The following EPG5 variants were observed in gnomAD, a reference collection of about 807,000 sequenced individuals.
The protein encoded by EPG5 is ectopic P granules protein 5 homolog.
In EPG5, 159 loss-of-function variants were observed where a neutral mutation model predicts 302.7. That is an observed-to-expected ratio of 0.53 (90% CI 0.46 to 0.60). EPG5 has a LOEUF of 0.60. EPG5 is among the 20% of genes least tolerant of loss of function. The pLI is 0.00. For synonymous variants in EPG5, 1,158 were observed against 1,136.8 expected (o/e 1.02, Z -0.37); for missense variants, 2,896 against 3,092.4 (o/e 0.94, Z 1.51).
chr18:45,928,947 C>T lies in EPG5; in HGVS notation c.2475G>A (p.Gly825=). 1.2e-6 allele frequency: 2 copies of T among 1,613,756 alleles called. No individual in the cohort carries two copies. The highest frequency in any genetic ancestry group is 1.7e-5 in the Admixed American group (1 of 60,006). ...TFSKVGRELL[G]TITAVHPEII... is the part of the protein sequence containing the mutation. Reference sequence around the variant, plus strand: ...TCTCAGGGTGAACAGCTGTGATAGTCCCTAAAAGCTCTCGACCAACCTTTG... The same window carrying T: ...TCTCAGGGTGAACAGCTGTGATAGTTCCTAAAAGCTCTCGACCAACCTTTG... The change falls in exon 13 of 44, where the codon GGG becomes GGA. Residue 825 remains glycine, a synonymous_variant. Transcript: ENST00000282041.
Position 45,966,988 on chromosome 18 carries a change from G to C in EPG5, c.63+189C>G, listed in dbSNP as rs116758961. Among the ~76,000 whole-genome samples the C allele has an allele frequency of 7.4e-3, 1,134 of 152,248 alleles. 12 individuals are homozygous for C. The highest frequency in any genetic ancestry group is 0.025 in the African/African-American group (1,046 of 41,544). On this transcript the variant is annotated intron_variant, in intron 1 of 43. Coordinates refer to ENST00000282041, the MANE Select transcript of EPG5 (RefSeq NM_020964.3). ...ATGGGGTCCTGACAGAGTGTGGCAG[G>C]GGGATATGGAGAAGGAATGGAGGAG... is the stretch of plus-strand genomic sequence containing the variant.
chr18:45,814,651 G>A, the EPG5 span, among the ~76,000 whole-genome samples: 1 of 152,198 alleles, frequency 6.6e-6, no homozygotes, highest in Non-Finnish European at 1.5e-5. Context: ...AAGTGTTAGA[G>A]GTTGAAGGGT....
At chr18:45,892,938 T>C (rs1346106379) in intron 27 of EPG5, among the ~76,000 whole-genome samples, 1 of 152,228 alleles carries the variant, frequency 6.6e-6, no homozygotes, top group Non-Finnish European at 1.5e-5. Flanking sequence ...TAATCTAGAA[T>C]GTTAAGATCA....
chr18:45,868,587 T>C (rs1378546992), intron 36 of EPG5, among the ~76,000 whole-genome samples: 2 of 151,276 alleles, frequency 1.3e-5, no homozygotes, highest in African/African-American at 4.8e-5. Flanking sequence ...CAGGCTGGTC[T>C]TGAACCCCCA....
At chr18:45,952,081 A>G (rs1011796153) in intron 3 of EPG5, among the ~76,000 whole-genome samples, 3 of 152,236 alleles carry the variant, frequency 2.0e-5, no homozygotes, top group Non-Finnish European at 4.4e-5. Flanking sequence ...TTACTTTTAT[A>G]ATCAAAAACT....
At position 45,904,000 on chromosome 18, in the gene EPG5, G is replaced by T. The variant is rs898425710; in HGVS notation, c.4447C>A (p.Gln1483Lys). ...AGCAAAGGATCAGTGAAGTCCAGCT[G>T]CACGGACAAACTGCAGGGTGTGGAA... ...SHSTPCSLSVQLDFTDPLLAK... is the reference protein window; with the variant it reads ...SHSTPCSLSVKLDFTDPLLAK... Residue 1483 changes from glutamine to lysine, a missense_variant, in exon 25 of 44, where the codon CAG becomes AAG. This residue lies in a region of EPG5 where 790 missense variants were observed against 798.0 expected (regional missense o/e 0.99). Transcript: ENST00000282041. 1 of 1,612,130 alleles carries T rather than the reference G, an allele frequency of 6.2e-7. No homozygotes were observed. Among genetic ancestry groups the T allele is most frequent in the Non-Finnish European group, 8.5e-7 (1 of 1,179,706 alleles).
chr18:45,876,490 C>T (rs2145366327), intron 34 of EPG5, 148 bp from the exon 35 acceptor site: 2 of 593,390 alleles, frequency 3.4e-6, no homozygotes, highest in East Asian at 5.6e-5. Context: ...CTGTAAATAA[C>T]TGCAGGCGAA....
At chr18:45,842,519 TA>T in the EPG5 span, 5 of 280,042 alleles carry the variant, frequency 1.8e-5, no homozygotes, top group South Asian at 3.1e-4. Context: ...CTTTCTTACC[TA>T]GAACACCTGC....
chr18:45,878,475 G>T, intron 33 of EPG5, 27 bp from the exon 34 acceptor site: 2 of 1,473,774 alleles, frequency 1.4e-6, no homozygotes, highest in Non-Finnish European at 1.9e-6. Context: ...ACAAAACAAA[G>T]GTCATCATTT....
At chr18:45,818,858 C>T in the EPG5 span, among the ~76,000 whole-genome samples, 12 of 151,088 alleles carry the variant, frequency 7.9e-5, no homozygotes, top group South Asian at 6.3e-4. Flanking sequence ...CTCTGCCTCC[C>T]GAATAATTTG....
At chr18:45,831,527 G>A in the EPG5 span, among the ~76,000 whole-genome samples, 9 of 152,140 alleles carry the variant, frequency 5.9e-5, no homozygotes, top group Non-Finnish European at 1.0e-4. Context: ...TCAACCTAAC[G>A]AGGAGGCTAT....
Position 45,852,400 on chromosome 18 carries a change from C to T in EPG5, c.*67G>A. On this transcript the variant is annotated 3_prime_UTR_variant, in exon 44 of 44. Coordinates refer to ENST00000282041, the MANE Select transcript of EPG5 (RefSeq NM_020964.3). ...TCTACAGTGCAATTGAGCAAAGTTACTTGTGCAACAGCAAAGTTAAATGTA... is the reference window on the plus strand; with the variant it reads ...TCTACAGTGCAATTGAGCAAAGTTATTTGTGCAACAGCAAAGTTAAATGTA... The T allele has an allele frequency of 6.7e-7, 1 of 1,483,004 alleles. No homozygotes were observed. The highest frequency in any genetic ancestry group is 9.2e-7 in the Non-Finnish European group (1 of 1,089,830). 91.9% of individuals were successfully genotyped at this position (1,483,004 alleles called of 1,614,324 possible).
chr18:45,928,841 C>A (rs2050334347), intron 13 of EPG5, 28 bp downstream of exon 13: 1 of 1,590,966 alleles, frequency 6.3e-7, no homozygotes, highest in Non-Finnish European at 8.5e-7. Flanking sequence ...TTTGAAAAAA[C>A]AAAAACAAAC....
intron 36 of EPG5, among the ~76,000 whole-genome samples, chr18:45,869,302 C>G (rs1004293090): frequency 2.6e-5 from 4 of 152,174 alleles, no homozygotes; most frequent in Admixed American, 1.3e-4. Flanking sequence ...ACTACTAATT[C>G]TCTTCCTTTT....
chr18:45,867,014 A>G lies in EPG5; in HGVS notation c.6412-7T>C. 1 of 1,609,000 alleles carries G rather than the reference A, an allele frequency of 6.2e-7. No homozygotes were observed. The highest frequency in any genetic ancestry group is 8.5e-7 in the Non-Finnish European group (1 of 1,175,450). ...GACTAAGTAAAGGTGAATCCTAAAAATAAAACACATATTCCTTTAGTTCCA... is the reference window on the plus strand; with the variant it reads ...GACTAAGTAAAGGTGAATCCTAAAAGTAAAACACATATTCCTTTAGTTCCA... On this transcript the variant is annotated splice_polypyrimidine_tract_variant and splice_region_variant and intron_variant, in intron 37 of 43. Transcript: ENST00000282041.
At chr18:45,857,065 C>T (rs906016910) in intron 42 of EPG5, among the ~76,000 whole-genome samples, 11 of 151,744 alleles carry the variant, frequency 7.2e-5, no homozygotes, top group Non-Finnish European at 5.9e-5. Context: ...ACTACAGGTG[C>T]TTGCCACCAC....
chr18:45,879,197 C>T lies in EPG5; in HGVS notation c.5685G>A (p.Gln1895=). The part of the protein sequence containing the change: ...LSDKQVMETI[Q]WLSDFFYKLR... Reference sequence around the variant, plus strand: ...GCTTATAAAAAAAGTCTGAAAGCCACTGTATAGTCTCCATTACCTGGAAGA... The same window carrying T: ...GCTTATAAAAAAAGTCTGAAAGCCATTGTATAGTCTCCATTACCTGGAAGA... The change falls in exon 33 of 44, where the codon CAG becomes CAA. Residue 1895 remains glutamine (Q), a synonymous_variant. Coordinates refer to ENST00000282041, the MANE Select transcript of EPG5 (RefSeq NM_020964.3). 2 of 1,609,428 alleles carry T rather than the reference C, an allele frequency of 1.2e-6. No homozygotes were observed. The highest frequency in any genetic ancestry group is 1.7e-6 in the Non-Finnish European group (2 of 1,178,880).
In EPG5 at chr18:45,954,961, T is replaced by G; in HGVS notation, c.441A>C (p.Val147=). The change falls in exon 2 of 44, where the codon GTA becomes GTC. Residue 147 remains valine, a synonymous_variant. Transcript: ENST00000282041. ...NFTEVEENMS[V]QGGLSESAPQ... is the part of the protein sequence containing the mutation. ...GTGCACTTTCTGAAAGTCCACCTTG[T>G]ACCGACATATTTTCCTCTACCTCTG... is the stretch of plus-strand genomic sequence containing the variant. 1 of 1,614,090 alleles carries G rather than the reference T, an allele frequency of 6.2e-7. No individual in the cohort carries two copies. The highest frequency in any genetic ancestry group is 8.5e-7 in the Non-Finnish European group (1 of 1,179,998).
downstream of EPG5, chr18:45,843,064 A>C (rs915613218): frequency 2.6e-5 from 4 of 152,226 alleles, no homozygotes; most frequent in Non-Finnish European, 5.9e-5. Context: ...ACCCCTAGGA[A>C]ATGGAAACCA....
Sources: gnomAD v4.1 joint callset for allele counts (sites outside exome capture counted in the v4.1 genomes callset) on GRCh38, gnomAD v4.1.1 for gene constraint, gnomAD v4.1.1 regional missense constraint, MANE v1.5 for transcripts, NCBI Gene and HGNC (gene_info 2026-07-23, HGNC 2026-07-21) for gene names.